Variants in VPS37A observed in about 807,000 individuals in gnomAD.
The protein encoded by VPS37A is vacuolar protein sorting-associated protein 37A.
VPS37A carries 30 observed loss-of-function variants against 49.8 expected under a neutral mutation model. That is an observed-to-expected ratio of 0.60 (90% CI 0.45 to 0.82). VPS37A has a LOEUF of 0.82. VPS37A is among the 40% of genes least tolerant of loss of function. The probability of loss-of-function intolerance (pLI) is 0.00; values close to 1 mark genes in which losing one functional copy is unlikely to be tolerated. For missense variants in VPS37A, 593 were observed against 464.4 expected, an observed-to-expected ratio of 1.28 and a Z score of -2.55; for synonymous variants, 195 against 160.6, an observed-to-expected ratio of 1.21 and a Z score of -1.62.
chr8:17,304,579 T>G, downstream of VPS37A: 1 of 1,536,872 alleles, frequency 6.5e-7, no homozygotes, highest in Non-Finnish European at 8.9e-7. Flanking sequence ...ACAGTAGATA[T>G]GTTATATTAA....
At chr8:17,266,103 T>C (rs1279484961) in intron 2 of VPS37A, 122 bp downstream of exon 2, 2 of 809,496 alleles carry the variant, frequency 2.5e-6, no homozygotes, top group African/African-American at 1.8e-5. Context: ...ATTTATAAAA[T>C]AGTGCACAAT....
At chr8:17,255,812 A>G (rs1812396255) in intron 1 of VPS37A, among the ~76,000 whole-genome samples, 3 of 152,044 alleles carry the variant, frequency 2.0e-5, no homozygotes, top group Admixed American at 2.0e-4. Flanking sequence ...TGTTTGGTTT[A>G]TGTCACTTAA....
downstream of VPS37A, chr8:17,301,884 A>G (rs1817142402): frequency 9.2e-6 from 4 of 436,330 alleles, no homozygotes. Context: ...CTACTCTCAA[A>G]TAACAGTAAC....
chr8:17,312,770 GGTTCTC>G, the VPS37A span, among the ~76,000 whole-genome samples: 1 of 151,962 alleles, frequency 6.6e-6, no homozygotes, highest in Non-Finnish European at 1.5e-5. Context: ...GGGAAGATAT[GGTTCTC>G]TTTAGGTATA....
intron 11 of VPS37A, among the ~76,000 whole-genome samples, chr8:17,293,682 C>G (rs1388825463): frequency 6.6e-6 from 1 of 152,134 alleles, no homozygotes; most frequent in South Asian, 2.1e-4. Flanking sequence ...CTATTGCTTT[C>G]TGTTAGTTGT....
chr8:17,272,182 C>T (rs971334481), intron 4 of VPS37A: 18 of 424,994 alleles, frequency 4.2e-5, no homozygotes, highest in South Asian at 1.4e-4. Flanking sequence ...TCCTAACAGC[C>T]TCTTTGAGGC....
intron 11 of VPS37A, among the ~76,000 whole-genome samples, chr8:17,291,635 AAC>A (rs903081267): frequency 3.3e-5 from 5 of 151,934 alleles, no homozygotes; most frequent in Non-Finnish European, 7.4e-5. Context: ...TTTCCCTCTA[AAC>A]ACAGTTTTGC....
the VPS37A span, among the ~76,000 whole-genome samples, chr8:17,322,974 G>C: frequency 4.3e-5 from 4 of 92,292 alleles, no homozygotes; most frequent in Admixed American, 4.0e-4. Context: ...TTTTGAGACA[G>C]TCTTGCTCTG....
At chr8:17,299,473 G>A (rs185227463), downstream of VPS37A, 20 of 175,998 alleles carry the variant, frequency 1.1e-4, no homozygotes, top group Admixed American at 4.9e-4. Context: ...TATGCATCTA[G>A]AAGTGAACTA....
At chr8:17,326,934 A>T in the VPS37A span, among the ~76,000 whole-genome samples, 2 of 151,966 alleles carry the variant, frequency 1.3e-5, no homozygotes, top group Non-Finnish European at 2.9e-5. Flanking sequence ...TTTTGTAAAT[A>T]AAGAGGGAAA....
At chr8:17,314,230 G>A in the VPS37A span, among the ~76,000 whole-genome samples, 1 of 152,148 alleles carries the variant, frequency 6.6e-6, no homozygotes, top group Non-Finnish European at 1.5e-5. Context: ...AAGCCCTATT[G>A]AGGAGTCTTA....
Position 17,268,851 on chromosome 8 carries a change from T to G in VPS37A, c.316-5T>G. On this transcript the variant is annotated splice_region_variant and splice_polypyrimidine_tract_variant and intron_variant, in intron 3 of 11. Coordinates refer to ENST00000324849, the MANE Select transcript of VPS37A (RefSeq NM_152415.3). ...ATTTTAAGCGTCATGTATTGTTACT[T>G]TCAGTTTACAATGCACTCAGATCTT... 2.5e-6 allele frequency: 4 copies of G among 1,593,640 alleles called. No individual in the cohort carries two copies. The highest frequency in any genetic ancestry group is 8.6e-7 in the Non-Finnish European group (1 of 1,167,904).
At position 17,280,284 on chromosome 8, in the gene VPS37A, C is replaced by T; in HGVS notation, c.887C>T (p.Thr296Ile). 1 of 1,612,552 alleles carries T rather than the reference C, an allele frequency of 6.2e-7. No homozygotes were observed. Among genetic ancestry groups the T allele is most frequent in the Non-Finnish European group, 8.5e-7 (1 of 1,179,276 alleles). ...CCCAGCTTGGAAGCCAAAAGACAAA[C>T]TGTTTTAGATAAGGTGAGTTAGTGA... Reference protein sequence around the residue: ...LEPSLEAKRQTVLDKYELLTQ... With the variant: ...LEPSLEAKRQIVLDKYELLTQ... Residue 296 changes from threonine to isoleucine, a missense_variant, in exon 8 of 12, where the codon ACT becomes ATT. Transcript: ENST00000324849.
At chr8:17,294,795 T>C (rs570775791) in intron 11 of VPS37A, among the ~76,000 whole-genome samples, 192 bp from the exon 12 acceptor site, 72 of 152,242 alleles carry the variant, frequency 4.7e-4, no homozygotes, top group African/African-American at 1.6e-3. Context: ...ATGAACCAGG[T>C]ATCTCAGCTG....
downstream of VPS37A, among the ~76,000 whole-genome samples, chr8:17,307,308 G>C (rs548114834): frequency 6.6e-6 from 1 of 152,348 alleles, no homozygotes; most frequent in South Asian, 2.1e-4. Flanking sequence ...CTGGCCATCA[G>C]AGAAATGCAA....
At chr8:17,302,063 G>A, downstream of VPS37A, 3 of 1,519,640 alleles carry the variant, frequency 2.0e-6, no homozygotes, top group South Asian at 1.2e-5. Context: ...TGAAATATTT[G>A]TATTGCACTG....
At chr8:17,262,346 T>C (rs539126746) in intron 1 of VPS37A, among the ~76,000 whole-genome samples, 1 of 152,286 alleles carries the variant, frequency 6.6e-6, no homozygotes, top group South Asian at 2.1e-4. Context: ...TAAGGTCTAT[T>C]TGTTTCCATT....
downstream of VPS37A, chr8:17,301,972 A>T: frequency 1.4e-6 from 1 of 691,366 alleles, no homozygotes; most frequent in Non-Finnish European, 2.3e-6. Context: ...GAAATGCATT[A>T]AATGCCTAGG....
At chr8:17,322,514 C>G in the VPS37A span, among the ~76,000 whole-genome samples, 245 of 152,206 alleles carry the variant, frequency 1.6e-3, no homozygotes, top group Non-Finnish European at 1.9e-3. Context: ...GTGTGTAAAA[C>G]TTTGCAACAA....
Sources: gnomAD v4.1 joint callset for allele counts (sites outside exome capture counted in the v4.1 genomes callset) on GRCh38, gnomAD v4.1.1 for gene constraint, MANE v1.5 for transcripts, NCBI Gene and HGNC (gene_info 2026-07-23, HGNC 2026-07-21) for gene names.